The following ZNF521 variants were observed in gnomAD, a reference collection of about 807,000 sequenced individuals.
The protein encoded by ZNF521 is LYST-interacting protein 3.
A neutral mutation model predicts 105.5 loss-of-function variants in ZNF521; 14 were observed. The ratio of observed to expected loss-of-function variants is 0.13; its 90% confidence interval spans 0.09 to 0.21. The LOEUF is 0.21. Among genes scored for constraint, ZNF521 ranks in the 10% least tolerant of loss-of-function variants. The pLI is 1.00. For missense variants in ZNF521, 1,233 were observed against 1,629.7 expected, an observed-to-expected ratio of 0.76 and a Z score of 4.19; for synonymous variants, 635 against 606.0, an observed-to-expected ratio of 1.05 and a Z score of -0.70.
chr18:25,117,018 C>CAT lies in ZNF521; in HGVS notation c.3659-24939_3659-24938dup, dbSNP rs199539757. On this transcript the variant is annotated intron_variant, in intron 5 of 7. Transcript: ENST00000361524. ...ACATATATATACATACACACACACA[C>CAT]ATATATATATACATACACACACACA... is the stretch of plus-strand genomic sequence containing the variant. 1.8e-3 allele frequency among the ~76,000 whole-genome samples: 250 copies of CAT among 138,052 alleles called. 1 individual carries two copies. Among genetic ancestry groups the CAT allele is most frequent in the Non-Finnish European group, 2.7e-3 (174 of 65,248 alleles). 90.6% of individuals were successfully genotyped at this position (138,052 alleles called of 152,430 possible).
At chr18:25,302,522 T>C (rs915249340) in intron 3 of ZNF521, 1 of 152,212 alleles carries the variant, frequency 6.6e-6, no homozygotes, top group African/African-American at 2.4e-5. Context: ...TAAGACAGTG[T>C]TGAGGTCAGT....
At chr18:25,251,598 C>A (rs1271639490) in intron 3 of ZNF521, among the ~76,000 whole-genome samples, 1 of 152,134 alleles carries the variant, frequency 6.6e-6, no homozygotes, top group Non-Finnish European at 1.5e-5. Context: ...CATCCATATA[C>A]AGAAATCATA....
At chr18:25,133,288 C>T (rs1259430954) in intron 5 of ZNF521, among the ~76,000 whole-genome samples, 1 of 152,162 alleles carries the variant, frequency 6.6e-6, no homozygotes, top group Non-Finnish European at 1.5e-5. Context: ...AATGTCTCCC[C>T]TCACTACTTC....
chr18:25,230,602 TAGA>T (rs56401751), intron 3 of ZNF521, among the ~76,000 whole-genome samples: 42,611 of 152,050 alleles, frequency 0.28, 6,073 homozygotes, highest in East Asian at 0.35. Context: ...GAAGAAACTG[TAGA>T]AGATTCTTTC....
Position 25,062,572 on chromosome 18 carries a change from C to G in ZNF521, c.*140G>C, listed in dbSNP as rs889823295. 1 of 1,163,758 alleles carries G rather than the reference C, an allele frequency of 8.6e-7. No individual in the cohort carries two copies. 72.1% of individuals were successfully genotyped at this position (1,163,758 alleles called of 1,614,324 possible). On this transcript the variant is annotated 3_prime_UTR_variant, in exon 8 of 8. Coordinates refer to ENST00000361524, the MANE Select transcript of ZNF521 (RefSeq NM_015461.3). ...AAAGTTCAAACACATGAACATCCAA[C>G]AGTTTGATAATACAAGTTTTATGGT...
chr18:25,323,001 C>T (rs1029366292), intron 2 of ZNF521, among the ~76,000 whole-genome samples: 1 of 151,882 alleles, frequency 6.6e-6, no homozygotes, highest in Admixed American at 6.6e-5. Context: ...GAGAAAAGCA[C>T]GTGGAATGCT....
chr18:25,209,436 G>T (rs370371857), intron 4 of ZNF521, among the ~76,000 whole-genome samples: 15 of 152,068 alleles, frequency 9.9e-5, no homozygotes, highest in African/African-American at 3.6e-4. Context: ...AAATAAAGAG[G>T]TTATACATCT....
chr18:25,350,876 G>A, intron 2 of ZNF521, 31 bp downstream of exon 2: 1 of 1,546,164 alleles, frequency 6.5e-7, no homozygotes, highest in Non-Finnish European at 8.7e-7. Flanking sequence ...CGCGGATGGG[G>A]GAAAGCGGGG....
chr18:25,338,541 T>C (rs893863961), intron 2 of ZNF521, among the ~76,000 whole-genome samples: 17 of 151,978 alleles, frequency 1.1e-4, no homozygotes, highest in African/African-American at 4.1e-4. Flanking sequence ...GCCTCCCAAG[T>C]AGCTGGGGCC....
At chr18:25,210,167 G>T (rs1480983960) in intron 4 of ZNF521, among the ~76,000 whole-genome samples, 1 of 152,020 alleles carries the variant, frequency 6.6e-6, no homozygotes, top group East Asian at 1.9e-4. Context: ...TTCATGTTTA[G>T]CAAGAATTTT....
chr18:25,083,341 G>A (rs1182694610), intron 7 of ZNF521, among the ~76,000 whole-genome samples: 1 of 152,154 alleles, frequency 6.6e-6, no homozygotes. Flanking sequence ...AATTATTCTC[G>A]TAAGCTAGAA....
intron 5 of ZNF521, among the ~76,000 whole-genome samples, chr18:25,117,798 G>A (rs1026508472): frequency 5.7e-4 from 86 of 152,046 alleles, no homozygotes; most frequent in Non-Finnish European, 9.3e-4. Flanking sequence ...GTTTTAATGT[G>A]AGAAAGAAAA....
At position 25,225,850 on chromosome 18, in the gene ZNF521, T is replaced by A. The variant is rs761136641; in HGVS notation, c.2068A>T (p.Thr690Ser). ...CTCTCACAGATGTAATACGTTGAAG[T>A]GATCATAAAGTGAATGGTAACATGC... is the stretch of plus-strand genomic sequence containing the variant. Reference protein sequence around the residue: ...LKHVTIHFMITSTYYICESCD... With the variant: ...LKHVTIHFMISSTYYICESCD... The change falls in exon 4 of 8, where the codon ACT becomes TCT. Residue 690 changes from threonine (T) to serine (S), a missense_variant. By Grantham distance (58) the Thr-to-Ser change is moderately conservative. This residue lies in a region of ZNF521 where 614 missense variants were observed against 751.5 expected (regional missense o/e 0.82). Coordinates refer to ENST00000361524, the MANE Select transcript of ZNF521 (RefSeq NM_015461.3). The surrounding 1 kb of genome is among the most constrained non-coding windows in gnomAD (Gnocchi z 5.6). 2.5e-6 allele frequency: 4 copies of A among 1,614,094 alleles called. No individual in the cohort carries two copies. In the South Asian group the frequency reaches 4.4e-5, roughly 18 times the overall value.
intron 5 of ZNF521, among the ~76,000 whole-genome samples, chr18:25,120,575 C>T (rs546692156): frequency 7.7e-4 from 64 of 83,502 alleles, no homozygotes; most frequent in South Asian, 2.2e-3. Flanking sequence ...AAGAGCAAAA[C>T]TCCATCTAAA....
At chr18:25,215,025 G>A (rs1260375180) in intron 4 of ZNF521, among the ~76,000 whole-genome samples, 1 of 152,132 alleles carries the variant, frequency 6.6e-6, no homozygotes, top group Non-Finnish European at 1.5e-5. Flanking sequence ...TGATTAAAGG[G>A]CTAGCAGAAG....
intron 7 of ZNF521, among the ~76,000 whole-genome samples, chr18:25,077,285 G>A (rs929775341): frequency 1.3e-5 from 2 of 152,162 alleles, no homozygotes; most frequent in African/African-American, 4.8e-5. Flanking sequence ...CCTCTGTTCT[G>A]CCTTCCCGTT....
At chr18:25,275,704 T>C (rs1206240934) in intron 3 of ZNF521, among the ~76,000 whole-genome samples, 1 of 152,304 alleles carries the variant, frequency 6.6e-6, no homozygotes, top group East Asian at 1.9e-4. Context: ...CCAATGGGCT[T>C]TCCTGCCAAA....
intron 7 of ZNF521, among the ~76,000 whole-genome samples, chr18:25,067,314 A>G (rs1378992725): frequency 6.6e-6 from 1 of 152,180 alleles, no homozygotes; most frequent in Non-Finnish European, 1.5e-5. Flanking sequence ...ATCTGGAAGG[A>G]GTGTGCTGTA....
At chr18:25,270,085 A>G (rs889831954) in intron 3 of ZNF521, among the ~76,000 whole-genome samples, 6 of 152,220 alleles carry the variant, frequency 3.9e-5, no homozygotes, top group African/African-American at 1.4e-4. Flanking sequence ...ACACAATAAA[A>G]AACGATAATG....
Sources: allele counts gnomAD v4.1 joint callset (sites outside exome capture counted in the v4.1 genomes callset), GRCh38; gene constraint gnomAD v4.1.1; regional missense constraint gnomAD v4.1.1; non-coding constraint Gnocchi (gnomAD v3.1); transcripts MANE v1.5; gene names NCBI Gene and HGNC (gene_info 2026-07-23, HGNC 2026-07-21).